UHRF1: variants seen among roughly 807,000 people sequenced by gnomAD.
UHRF1 encodes E3 ubiquitin-protein ligase UHRF1.
UHRF1 carries 9 observed loss-of-function variants against 96.5 expected under a neutral mutation model. The ratio of observed to expected loss-of-function variants is 0.09; its 90% CI spans 0.06 to 0.16. The LOEUF is 0.16. Ranked by LOEUF, UHRF1 falls within the 10% of genes least tolerant of loss-of-function variation. The pLI is 1.00. For synonymous variants in UHRF1, 455 were observed against 469.9 expected (o/e 0.97, Z 0.41); for missense variants, 626 against 1,131.1 (o/e 0.55, Z 6.40).
intron 11 of UHRF1, among the ~76,000 whole-genome samples, chr19:4,949,352 T>G (rs1246491991): frequency 6.6e-6 from 1 of 152,180 alleles, no homozygotes; most frequent in African/African-American, 2.4e-5. Flanking sequence ...AAGAGCTTTA[T>G]AAATGATCTA....
At chr19:4,937,167 T>A (rs976266536) in intron 5 of UHRF1, among the ~76,000 whole-genome samples, 2 of 152,186 alleles carry the variant, frequency 1.3e-5, no homozygotes, top group African/African-American at 4.8e-5. Flanking sequence ...TCACACAGTA[T>A]GTAACCTTTT....
chr19:4,928,691 C>T (rs182386951), intron 2 of UHRF1, among the ~76,000 whole-genome samples: 7 of 152,266 alleles, frequency 4.6e-5, no homozygotes, highest in East Asian at 1.9e-4. Context: ...CTCTCTGTCT[C>T]GACACTGGAC....
chr19:4,949,850 T>G (rs947124315), intron 11 of UHRF1, among the ~76,000 whole-genome samples: 10 of 151,888 alleles, frequency 6.6e-5, no homozygotes, highest in African/African-American at 2.4e-4. Flanking sequence ...TTGTTTGTTT[T>G]TTTTTTATAT....
rs200751668 is a variant in UHRF1 at position 4,936,803 on chromosome 19, C to CAAAA, written c.785+3859_785+3862dup. On this transcript the variant is annotated intron_variant, in intron 5 of 16. Transcript: ENST00000650932. The stretch of plus-strand genomic sequence containing the variant: ...GCCTAGGCAACAGCAAGAGAGTCTG[C>CAAAA]AAAAAAAAAAAAAAAGTGAAAAGAA... 9.5e-3 allele frequency among the ~76,000 whole-genome samples: 666 copies of CAAAA among 69,770 alleles called. 5 individuals carry two copies. The highest frequency in any genetic ancestry group is 0.033 in the African/African-American group (637 of 19,278). The allele number at this position is 69,770 out of a possible 152,430, so 45.8% of individuals were successfully genotyped here. A position where few individuals can be genotyped will look rare whatever the true frequency, so the allele number is the denominator to read the frequency against.
At position 4,930,014 on chromosome 19, in the gene UHRF1, G is replaced by A. The variant is rs1485595350; in HGVS notation, c.408+538G>A. 3.3e-5 allele frequency among the ~76,000 whole-genome samples: 5 copies of A among 151,588 alleles called. No homozygotes were observed. The highest frequency in any genetic ancestry group is 7.4e-5 in the Non-Finnish European group (5 of 67,968). On this transcript the variant is annotated intron_variant, in intron 3 of 16. Coordinates refer to ENST00000650932, the MANE Select transcript of UHRF1 (RefSeq NM_001048201.3). This position sits in a 1 kb window ranked among gnomAD's most constrained non-coding sequence, Gnocchi z 4.4. ...TTTTAATACATGGTCTCATTCTGTC[G>A]CCCAGGCTGGAGTACAGTGGTGCCA...
chr19:4,938,656 G>A (rs1020183190), intron 5 of UHRF1, among the ~76,000 whole-genome samples: 4 of 145,254 alleles, frequency 2.8e-5, no homozygotes, highest in Non-Finnish European at 5.9e-5. Flanking sequence ...TGATCCACTC[G>A]TCTCGGCCTC....
rs760100974 is a variant in UHRF1, at chr19:4,941,671, C to T, written c.886+43C>T. On this transcript the variant is annotated intron_variant, in intron 6 of 16. Coordinates refer to ENST00000650932, the MANE Select transcript of UHRF1 (RefSeq NM_001048201.3). ...CTTTCCCCATCTTCCGCGGTGGGCA[C>T]GGGGCGGGGGCTCTTGTCCCGTCTC... 22 of 1,587,240 alleles carry T rather than the reference C, an allele frequency of 1.4e-5. No homozygotes were observed. In the East Asian group the frequency reaches 1.6e-4, roughly 12 times the overall value.
chr19:4,924,950 C>T (rs571418398), intron 2 of UHRF1, among the ~76,000 whole-genome samples: 25 of 151,962 alleles, frequency 1.6e-4, no homozygotes, highest in African/African-American at 6.0e-4. Context: ...CTTCAGCCTC[C>T]TGAGTAGCTG....
chr19:4,905,441 CATT>C (rs1011844368), upstream of UHRF1, among the ~76,000 whole-genome samples: 23 of 151,192 alleles, frequency 1.5e-4, no homozygotes, highest in Non-Finnish European at 3.2e-4. Context: ...TTTCTTAAAA[CATT>C]ATGAGATTTT....
intron 5 of UHRF1, among the ~76,000 whole-genome samples, chr19:4,933,760 C>T (rs752912448): frequency 3.9e-5 from 6 of 152,174 alleles, no homozygotes; most frequent in Non-Finnish European, 5.9e-5. Context: ...CTGTGGTCCG[C>T]TGCCGGCTTT....
intron 15 of UHRF1, 36 bp from the exon 16 acceptor site, chr19:4,956,673 G>C: frequency 7.2e-7 from 1 of 1,387,782 alleles, no homozygotes; most frequent in South Asian, 1.2e-5. Flanking sequence ...CCCTGGTCCC[G>C]GTGTCTTTGC....
chr19:4,928,762 A>G (rs900199949), intron 2 of UHRF1, among the ~76,000 whole-genome samples: 2 of 152,276 alleles, frequency 1.3e-5, no homozygotes, highest in Admixed American at 1.3e-4. Context: ...CACCCACTCC[A>G]TGCTAGGAGC....
intron 2 of UHRF1, among the ~76,000 whole-genome samples, chr19:4,913,937 G>T (rs1423498343): frequency 6.7e-6 from 1 of 149,494 alleles, no homozygotes; most frequent in Admixed American, 6.8e-5. Context: ...TCAGCCTCCC[G>T]AGTAGCTGGG....
chr19:4,930,990 G>A lies in UHRF1; in HGVS notation c.569+114G>A. The A allele has an allele frequency of 6.8e-7, 1 of 1,477,828 alleles. No homozygotes were observed. The highest frequency in any genetic ancestry group is 1.3e-5 in the South Asian group (1 of 79,412). The allele number at this position is 1,477,828 out of a possible 1,614,324, so 91.5% of individuals were successfully genotyped here. On this transcript the variant is annotated intron_variant, in intron 4 of 16. Coordinates refer to ENST00000650932, the MANE Select transcript of UHRF1 (RefSeq NM_001048201.3). The surrounding 1 kb of genome is among the most constrained non-coding windows in gnomAD (Gnocchi z 4.4). ...GTCTCGAGATGGTGATCAGGATCTG[G>A]GGCCCCATCCTCGAATTCCTAACAG...
chr19:4,931,113 A>G (rs1241636768), intron 4 of UHRF1, among the ~76,000 whole-genome samples: 1 of 152,140 alleles, frequency 6.6e-6, no homozygotes, highest in Non-Finnish European at 1.5e-5. Context: ...AGTGGCTGAA[A>G]CTGCCACCCC....
chr19:4,949,817 A>G (rs528638584), intron 11 of UHRF1, among the ~76,000 whole-genome samples: 1 of 150,856 alleles, frequency 6.6e-6, no homozygotes, highest in South Asian at 2.1e-4. Flanking sequence ...CCTGGGTGAC[A>G]GAGTGAGACA....
At chr19:4,928,452 T>G (rs1330376274) in intron 2 of UHRF1, among the ~76,000 whole-genome samples, 10 of 152,120 alleles carry the variant, frequency 6.6e-5, no homozygotes, top group Admixed American at 6.5e-4. Context: ...GCTCAGGTGA[T>G]GAGCTCCTCC....
At chr19:4,916,653 C>G (rs2032515548) in intron 2 of UHRF1, among the ~76,000 whole-genome samples, 1 of 152,046 alleles carries the variant, frequency 6.6e-6, no homozygotes, top group East Asian at 1.9e-4. Context: ...ACCGCCGCCC[C>G]CTCTTGTGGG....
At chr19:4,942,618 T>A (rs1293296013) in intron 7 of UHRF1, among the ~76,000 whole-genome samples, 3 of 152,168 alleles carry the variant, frequency 2.0e-5, no homozygotes, top group Non-Finnish European at 4.4e-5. Flanking sequence ...CCGGCTAATT[T>A]TTGTATTTTT....
Sources: gnomAD v4.1 joint callset for allele counts (sites outside exome capture counted in the v4.1 genomes callset) on GRCh38, gnomAD v4.1.1 for gene constraint, Gnocchi (gnomAD v3.1) non-coding constraint, MANE v1.5 for transcripts, NCBI Gene and HGNC (gene_info 2026-07-23, HGNC 2026-07-21) for gene names.